LYPD6: variants seen among roughly 807,000 people sequenced by gnomAD.
LYPD6 encodes LY6/PLAUR domain containing 6, also known as ly6/PLAUR domain-containing protein 6.
A neutral mutation model predicts 22.7 loss-of-function variants in LYPD6; 15 were observed. That is an observed-to-expected ratio of 0.66 (90% CI 0.44 to 1.02). The LOEUF (loss-of-function observed/expected upper bound fraction) is 1.02. Ranked by LOEUF, LYPD6 falls within the 50% of genes least tolerant of loss-of-function variation. LYPD6 has a pLI of 0.00. For missense variants in LYPD6, 189 were observed against 208.4 expected, an observed-to-expected ratio of 0.91 and a Z score of 0.57; for synonymous variants, 72 against 77.5, an observed-to-expected ratio of 0.93 and a Z score of 0.37.
At chr2:149,359,281 G>C (rs1332667958) in intron 1 of LYPD6, among the ~76,000 whole-genome samples, 2 of 152,280 alleles carry the variant, frequency 1.3e-5, no homozygotes, top group East Asian at 3.9e-4. Flanking sequence ...CCAGGCTAAT[G>C]GGAGAAGCAG....
At chr2:149,369,354 G>A (rs374269833) in intron 1 of LYPD6, among the ~76,000 whole-genome samples, 2 of 152,130 alleles carry the variant, frequency 1.3e-5, no homozygotes, top group African/African-American at 4.8e-5. Context: ...CAGCAAGGCT[G>A]TTCCCTTTTT....
At chr2:149,410,046 C>G (rs2105120997) in intron 1 of LYPD6, among the ~76,000 whole-genome samples, 1 of 152,266 alleles carries the variant, frequency 6.6e-6, no homozygotes, top group South Asian at 2.1e-4. Context: ...GAGCTGCAAG[C>G]TAGTCCTGCC....
chr2:149,347,039 A>G (rs1388994581), intron 1 of LYPD6, among the ~76,000 whole-genome samples: 1 of 152,110 alleles, frequency 6.6e-6, no homozygotes, highest in East Asian at 1.9e-4. Flanking sequence ...GAAGCTTGGC[A>G]GTCAGAGGTC....
chr2:149,444,743 T>C (rs1369125468), intron 2 of LYPD6, among the ~76,000 whole-genome samples: 1 of 152,188 alleles, frequency 6.6e-6, no homozygotes, highest in African/African-American at 2.4e-5. Flanking sequence ...CTTTTCAGGC[T>C]CCGCTTCTAA....
intron 1 of LYPD6, among the ~76,000 whole-genome samples, chr2:149,408,709 C>G (rs1682785016): frequency 6.6e-6 from 1 of 152,070 alleles, no homozygotes; most frequent in African/African-American, 2.4e-5. Flanking sequence ...TGAAGACTTC[C>G]CAGTGCATTT....
Position 149,393,337 on chromosome 2 carries a change from C to T in LYPD6, c.-71-44301C>T, listed in dbSNP as rs541966643. Reference sequence around the variant, plus strand: ...CCTATTCTTGTGTTCCCATCATTTTCGGCAGCCAGGCAACTGAGGTCAGTG... The same window carrying T: ...CCTATTCTTGTGTTCCCATCATTTTTGGCAGCCAGGCAACTGAGGTCAGTG... On this transcript the variant is annotated intron_variant, in intron 1 of 4. Transcript: ENST00000334166. Among the ~76,000 whole-genome samples, 17 of 152,276 alleles carry T rather than the reference C, an allele frequency of 1.1e-4. No homozygotes were observed. The South Asian group carries it at 2.9e-3, about 26-fold the overall frequency.
intron 1 of LYPD6, among the ~76,000 whole-genome samples, chr2:149,411,301 T>C (rs1352226046): frequency 6.6e-6 from 1 of 152,070 alleles, no homozygotes; most frequent in Non-Finnish European, 1.5e-5. Flanking sequence ...AAAATGTGTG[T>C]GTATTTTTTT....
rs969433417 is a variant in LYPD6 at position 149,433,471 on chromosome 2, C to T, written c.-71-4167C>T. ...CTTTTTCTTTGGTATGGAGATATTG[C>T]CATACAGTCAGGAAAGCTGTGGGGG... On this transcript the variant is annotated intron_variant, in intron 1 of 4. Coordinates refer to ENST00000334166, the MANE Select transcript of LYPD6 (RefSeq NM_194317.5). 3.3e-5 allele frequency among the ~76,000 whole-genome samples: 5 copies of T among 152,088 alleles called. No individual in the cohort carries two copies. In the East Asian group the frequency reaches 7.7e-4, roughly 23 times the overall value.
intron 1 of LYPD6, among the ~76,000 whole-genome samples, chr2:149,392,697 G>A (rs529315024): frequency 6.6e-6 from 1 of 152,170 alleles, no homozygotes; most frequent in Non-Finnish European, 1.5e-5. Flanking sequence ...TCTGTCACTT[G>A]AGAGGATACT....
At chr2:149,368,336 C>A (rs1573746386) in intron 1 of LYPD6, among the ~76,000 whole-genome samples, 1 of 152,082 alleles carries the variant, frequency 6.6e-6, no homozygotes, top group South Asian at 2.1e-4. Flanking sequence ...GCAAGTTGTT[C>A]AGTATGGATG....
intron 3 of LYPD6, among the ~76,000 whole-genome samples, chr2:149,464,719 G>A (rs1196656): frequency 0.69 from 104,368 of 151,942 alleles, 37,796 homozygotes; most frequent in East Asian, 0.86. Context: ...GCATGTCAGA[G>A]ACAAAACAAG....
At chr2:149,417,304 A>G (rs1682986078) in intron 1 of LYPD6, among the ~76,000 whole-genome samples, 1 of 152,228 alleles carries the variant, frequency 6.6e-6, no homozygotes, top group Admixed American at 6.5e-5. Flanking sequence ...TGCCTTGTAT[A>G]TACTGATAAA....
At chr2:149,358,905 A>G (rs1681517553) in intron 1 of LYPD6, among the ~76,000 whole-genome samples, 1 of 152,134 alleles carries the variant, frequency 6.6e-6, no homozygotes, top group Non-Finnish European at 1.5e-5. Context: ...AATTATTGCT[A>G]TGGGCAGTGG....
chr2:149,437,550 A>G lies in LYPD6; in HGVS notation c.-71-88A>G, dbSNP rs1683460136. 2.7e-6 allele frequency: 3 copies of G among 1,130,438 alleles called. No homozygotes were observed. The Admixed American group carries it at 7.3e-5, about 28-fold the overall frequency. 70.0% of individuals were successfully genotyped at this position (1,130,438 alleles called of 1,614,324 possible). On this transcript the variant is annotated intron_variant, in intron 1 of 4. Coordinates refer to ENST00000334166, the MANE Select transcript of LYPD6 (RefSeq NM_194317.5). ...ACTTCCTTGTGCCCTGTTGCTCTCCATCCCATCTTACCAGCATGGGAGCTC... is the reference window on the plus strand; with the variant it reads ...ACTTCCTTGTGCCCTGTTGCTCTCCGTCCCATCTTACCAGCATGGGAGCTC...
chr2:149,400,155 A>G (rs149333501), intron 1 of LYPD6, among the ~76,000 whole-genome samples: 4 of 152,332 alleles, frequency 2.6e-5, no homozygotes, highest in African/African-American at 9.6e-5. Context: ...GAGAACAGCT[A>G]GTGAGTGATG....
intron 1 of LYPD6, among the ~76,000 whole-genome samples, chr2:149,363,129 T>C (rs1413018652): frequency 6.6e-6 from 1 of 152,180 alleles, no homozygotes; most frequent in Admixed American, 6.5e-5. Context: ...CAAGGTGCCA[T>C]ATTTTGGGTT....
chr2:149,331,590 C>T (rs927090561), intron 1 of LYPD6, among the ~76,000 whole-genome samples: 3 of 151,834 alleles, frequency 2.0e-5, no homozygotes, highest in Non-Finnish European at 4.4e-5. Flanking sequence ...AATCACATCC[C>T]GTTTCCTAGA....
chr2:149,442,360 G>A (rs900186813), intron 2 of LYPD6, among the ~76,000 whole-genome samples: 2 of 152,096 alleles, frequency 1.3e-5, no homozygotes, highest in Non-Finnish European at 2.9e-5. Context: ...AATTATGGTC[G>A]GTTGAACTAT....
the LYPD6 span, among the ~76,000 whole-genome samples, chr2:149,480,887 C>T: frequency 1.2e-4 from 18 of 152,316 alleles, no homozygotes; most frequent in African/African-American, 4.3e-4. Context: ...CCCCCATCAC[C>T]TACCTCAGAC....
Sources: allele counts gnomAD v4.1 joint callset (sites outside exome capture counted in the v4.1 genomes callset), GRCh38; gene constraint gnomAD v4.1.1; transcripts MANE v1.5; gene names NCBI Gene and HGNC (gene_info 2026-07-23, HGNC 2026-07-21).